The following SLC25A1 variants were observed in gnomAD, a reference collection of about 807,000 sequenced individuals.
SLC25A1 encodes tricarboxylate transport protein, mitochondrial.
Under a neutral mutation model 38.1 loss-of-function variants are expected in SLC25A1, and 26 were observed. The ratio of observed to expected loss-of-function variants is 0.68; its 90% CI spans 0.50 to 0.95. SLC25A1 has a LOEUF of 0.95. Ranked by LOEUF, SLC25A1 falls within the 40% of genes least tolerant of loss-of-function variation. The pLI, the probability that SLC25A1 is intolerant of heterozygous loss-of-function variation, is 0.00. For synonymous variants in SLC25A1, 211 were observed against 183.2 expected, an observed-to-expected ratio of 1.15 and a Z score of -1.23; for missense variants, 378 against 426.6, an observed-to-expected ratio of 0.89 and a Z score of 1.00.
chr22:19,177,126 C>A lies in SLC25A1; in HGVS notation c.520G>T (p.Glu174Ter), dbSNP rs139862803. 1.5e-5 allele frequency: 24 copies of A among 1,613,920 alleles called. No individual in the cohort carries two copies. The highest frequency in any genetic ancestry group is 1.9e-5 in the Non-Finnish European group (23 of 1,179,834). Residue 174 changes from glutamate to a stop codon, truncating the protein, a stop_gained, in exon 5 of 9, where the codon GAA (glutamate) becomes TAA (stop). Transcript: ENST00000215882. LOFTEE classifies it high-confidence loss of function. ...GGAAGGTCGAGTGGCTCACCTTGTT[C>A]CCGCACAATCTCCCTAACCCCGTGG... is the stretch of plus-strand genomic sequence containing the variant. ...FFHGVREIVR[E>*]QGLKGTYQGL...
Position 19,177,206 on chromosome 22 carries a change from T to G in SLC25A1, c.442-2A>C. ...GGTCTGGTCGTGGATGAACTTCACC[T>G]GAGAGAGAGAAGCAAAGGCGCAGGT... On this transcript the variant is annotated splice_acceptor_variant, in intron 4 of 8. Transcript: ENST00000215882. LOFTEE classifies it high-confidence loss of function. 1 of 1,613,398 alleles carries G rather than the reference T, an allele frequency of 6.2e-7. No homozygotes were observed. The highest frequency in any genetic ancestry group is 8.5e-7 in the Non-Finnish European group (1 of 1,179,468).
rs1257895809 is a variant in SLC25A1, at chr22:19,176,839, G to A, written c.631+7C>T. 5.6e-6 allele frequency: 9 copies of A among 1,613,380 alleles called. No individual in the cohort carries two copies. The South Asian group carries it at 6.6e-5, about 12-fold the overall frequency. On this transcript the variant is annotated splice_region_variant and intron_variant, in intron 6 of 8. Transcript: ENST00000215882. ...TGCAGAGATGGGGCCCTGTGATGCAGACACACCTCGGTACCAGTTGCGCAG... is the reference window on the plus strand; with the variant it reads ...TGCAGAGATGGGGCCCTGTGATGCAAACACACCTCGGTACCAGTTGCGCAG...
chr22:19,177,355 G>C lies in SLC25A1; in HGVS notation c.442-151C>G, dbSNP rs1354499530. 7.8e-6 allele frequency: 5 copies of C among 643,876 alleles called. No individual in the cohort carries two copies. In the East Asian group the frequency reaches 1.3e-4, roughly 16 times the overall value. 39.9% of individuals were successfully genotyped at this position (643,876 alleles called of 1,614,324 possible). On this transcript the variant is annotated intron_variant, in intron 4 of 8. Transcript: ENST00000215882. ...CAAGGCCGCCCTGGGCTGCCCACAC[G>C]GACCATGCCCCGGGACACAGGGCAG...
rs781936654 is a variant in SLC25A1, at chr22:19,178,273, C to T, written c.95-33G>A. Reference sequence around the variant, plus strand: ...GACCGGGAACCCGCTCCTGAGACTCCCGCCCGGCCGCTGGCGCTCGGGCCC... The same window carrying T: ...GACCGGGAACCCGCTCCTGAGACTCTCGCCCGGCCGCTGGCGCTCGGGCCC... On this transcript the variant is annotated intron_variant, in intron 1 of 8. Transcript: ENST00000215882. The surrounding 1 kb of genome is among the most constrained non-coding windows in gnomAD (Gnocchi z 4.9). The T allele has an allele frequency of 3.9e-6, 6 of 1,540,894 alleles. No homozygotes were observed. The South Asian group carries it at 7.2e-5, about 19-fold the overall frequency.
chr22:19,178,606 G>A lies in SLC25A1; in HGVS notation c.68C>T (p.Thr23Met), dbSNP rs1407673214. 3.3e-6 allele frequency: 4 copies of A among 1,208,442 alleles called. No homozygotes were observed. The highest frequency in any genetic ancestry group is 3.4e-5 in the East Asian group (1 of 29,586). 74.9% of individuals were successfully genotyped at this position (1,208,442 alleles called of 1,614,324 possible). The change falls in exon 1 of 9, where the codon ACG becomes ATG. Residue 23 changes from threonine (T) to methionine (M), a missense_variant. Thr to Met is a moderately conservative substitution (Grantham distance 81). Transcript: ENST00000215882. This position sits in a 1 kb window ranked among gnomAD's most constrained non-coding sequence, Gnocchi z 4.9. ...AAPASGKAKL[T>M]HPGKAILAGG... is the part of the protein sequence containing the mutation. The stretch of plus-strand genomic sequence containing the variant: ...TGCCAGGATCGCCTTCCCCGGGTGC[G>A]TCAGCTTGGCCTTCCCGGACGCGGG...
chr22:19,176,527 A>G, intron 7 of SLC25A1, 33 bp from the exon 8 acceptor site: 1 of 1,612,718 alleles, frequency 6.2e-7, no homozygotes, highest in Non-Finnish European at 8.5e-7. Flanking sequence ...GGGGCTCAGC[A>G]GCTAGCTCTG....
At position 19,175,973 on chromosome 22, in the gene SLC25A1, G is replaced by T. The variant is rs1296943327; in HGVS notation, c.*157C>A. ...GGTGTCACACACAGACCACAGGGGG[G>T]ACACATGGATTTGACAGCCACAATG... On this transcript the variant is annotated 3_prime_UTR_variant, in exon 9 of 9. Coordinates refer to ENST00000215882, the MANE Select transcript of SLC25A1 (RefSeq NM_005984.5). 3 of 559,422 alleles carry T rather than the reference G, an allele frequency of 5.4e-6. No individual in the cohort carries two copies. Among genetic ancestry groups the T allele is most frequent in the Non-Finnish European group, 9.6e-6 (3 of 312,422 alleles). The allele number at this position is 559,422 out of a possible 1,614,324, so 34.7% of individuals were successfully genotyped here. A position where few individuals can be genotyped will look rare whatever the true frequency, so the allele number is the denominator to read the frequency against.
Position 19,177,154 on chromosome 22 carries a change from G to A in SLC25A1, c.492C>T (p.Phe164=). Residue 164 remains phenylalanine (F), a synonymous_variant, in exon 5 of 9, where the codon TTC becomes TTT. Transcript: ENST00000215882. The part of the protein sequence containing the change: ...QTSPNPKYRG[F]FHGVREIVRE... ...GCACAATCTCCCTAACCCCGTGGAA[G>A]AATCCTCTGTACTTGGGGTTTGGGG... 4 of 1,614,104 alleles carry A rather than the reference G, an allele frequency of 2.5e-6. No homozygotes were observed. Among genetic ancestry groups the A allele is most frequent in the South Asian group, 1.1e-5 (1 of 91,090 alleles).
At chr22:19,176,396 A>G in intron 8 of SLC25A1, 25 bp downstream of exon 8, 1 of 1,609,580 alleles carries the variant, frequency 6.2e-7, no homozygotes, top group African/African-American at 1.3e-5. Context: ...GGTGGGGACA[A>G]TAGCCCTGCC....
chr22:19,178,354 A>G lies in SLC25A1; in HGVS notation c.95-114T>C, dbSNP rs1400020063. The G allele has an allele frequency of 1.3e-6, 2 of 1,489,238 alleles. No individual in the cohort carries two copies. The highest frequency in any genetic ancestry group is 1.8e-6 in the Non-Finnish European group (2 of 1,121,850). 92.3% of individuals were successfully genotyped at this position (1,489,238 alleles called of 1,614,324 possible). ...CCGCCGCGCCAGTGCCGCGGGGAACATAGGCTGGGGCCCCACGCCCCCATG... is the reference window on the plus strand; with the variant it reads ...CCGCCGCGCCAGTGCCGCGGGGAACGTAGGCTGGGGCCCCACGCCCCCATG... On this transcript the variant is annotated intron_variant, in intron 1 of 8. Coordinates refer to ENST00000215882, the MANE Select transcript of SLC25A1 (RefSeq NM_005984.5). The surrounding 1 kb of genome is among the most constrained non-coding windows in gnomAD (Gnocchi z 4.9).
chr22:19,176,431 C>T lies in SLC25A1; in HGVS notation c.811G>A (p.Gly271Arg), dbSNP rs1555922291. Reference sequence around the variant, plus strand: ...CCCTCCCCCACTCACGCCTTGAGCCCCTCCTTCTTCAGGATCTGCAAGCCG... The same window carrying T: ...CCCTCCCCCACTCACGCCTTGAGCCTCTCCTTCTTCAGGATCTGCAAGCCG... ...DCGLQILKKEGLKAFYKGTVP... is the reference protein window; with the variant it reads ...DCGLQILKKERLKAFYKGTVP... Residue 271 changes from glycine to arginine, a missense_variant, in exon 8 of 9, where the codon GGG (glycine) becomes AGG (arginine). Gly to Arg is a moderately radical substitution (Grantham distance 125, BLOSUM62 -2). Coordinates refer to ENST00000215882, the MANE Select transcript of SLC25A1 (RefSeq NM_005984.5). 1.9e-6 allele frequency: 3 copies of T among 1,613,686 alleles called. No individual in the cohort carries two copies. Among genetic ancestry groups the T allele is most frequent in the Non-Finnish European group, 2.5e-6 (3 of 1,179,982 alleles).
In SLC25A1 at chr22:19,177,946, C is replaced by T. The variant is rs1202724386; in HGVS notation, c.298G>A (p.Val100Ile). 1.9e-6 allele frequency: 3 copies of T among 1,598,742 alleles called. No homozygotes were observed. Among genetic ancestry groups the T allele is most frequent in the Non-Finnish European group, 2.6e-6 (3 of 1,174,772 alleles). The change falls in exon 3 of 9, where the codon GTC becomes ATC. Residue 100 changes from valine (V) to isoleucine (I), a missense_variant. By Grantham distance (29) the Val-to-Ile change is conservative. Coordinates refer to ENST00000215882, the MANE Select transcript of SLC25A1 (RefSeq NM_005984.5). Reference sequence around the variant, plus strand: ...CAGCCACCGGCCGGGCCTCACCTGACGGCCGCCTTGGGGATGGAACCGTAG... The same window carrying T: ...CAGCCACCGGCCGGGCCTCACCTGATGGCCGCCTTGGGGATGGAACCGTAG... ...LLYGSIPKAA[V>I]RFGMFEFLSN...
At chr22:19,177,898 G>A in intron 3 of SLC25A1, 33 bp from the exon 4 acceptor site, 1 of 1,582,038 alleles carries the variant, frequency 6.3e-7, no homozygotes, top group Non-Finnish European at 8.6e-7. Flanking sequence ...AGGGGCTGCC[G>A]CGGCCGAGCC....
intron 4 of SLC25A1, 48 bp from the exon 5 acceptor site, chr22:19,177,252 G>A: frequency 6.5e-7 from 1 of 1,527,522 alleles, no homozygotes; most frequent in African/African-American, 1.4e-5. Flanking sequence ...CACCTGGGTG[G>A]GTCCTGGCTA....
chr22:19,176,727 T>C (rs370811003), intron 6 of SLC25A1, 34 bp from the exon 7 acceptor site: 10 of 1,600,038 alleles, frequency 6.2e-6, no homozygotes, highest in African/African-American at 1.3e-5. Context: ...GGTCAGAGGG[T>C]GCCGGGAGGG....
chr22:19,177,009 G>A (rs1487959622), intron 5 of SLC25A1, 59 bp from the exon 6 acceptor site: 12 of 1,594,086 alleles, frequency 7.5e-6, no homozygotes, highest in African/African-American at 1.3e-5. Flanking sequence ...TTGGGAATTG[G>A]TGTGTGTGGG....
At chr22:19,176,997 G>A (rs782529007) in intron 5 of SLC25A1, 47 bp from the exon 6 acceptor site, 24 of 1,604,660 alleles carry the variant, frequency 1.5e-5, no homozygotes, top group South Asian at 2.2e-5. Context: ...CTCAGGCCCC[G>A]GTTGGGAATT....
rs1476409828 is a variant in SLC25A1 at position 19,178,372 on chromosome 22, C to T, written c.95-132G>A. On this transcript the variant is annotated intron_variant, in intron 1 of 8. Coordinates refer to ENST00000215882, the MANE Select transcript of SLC25A1 (RefSeq NM_005984.5). This position sits in a 1 kb window ranked among gnomAD's most constrained non-coding sequence, Gnocchi z 4.9. ...GGGGAACATAGGCTGGGGCCCCACG[C>T]CCCCATGCCCTCACCCCGTTGTCCC... The T allele has an allele frequency of 1.4e-6, 2 of 1,447,008 alleles. No homozygotes were observed. The highest frequency in any genetic ancestry group is 2.8e-5 in the Admixed American group (1 of 35,724). 89.6% of individuals were successfully genotyped at this position (1,447,008 alleles called of 1,614,324 possible).
Position 19,176,709 on chromosome 22 carries a change from G to A in SLC25A1, c.632-16C>T. 1 of 1,609,110 alleles carries A rather than the reference G, an allele frequency of 6.2e-7. No homozygotes were observed. The highest frequency in any genetic ancestry group is 8.5e-7 in the Non-Finnish European group (1 of 1,175,650). ...GGGTTGTCCCCTGGATATAGGAGGG[G>A]TGAGGTGGGTCAGAGGGTGCCGGGA... On this transcript the variant is annotated splice_polypyrimidine_tract_variant and intron_variant, in intron 6 of 8. Coordinates refer to ENST00000215882, the MANE Select transcript of SLC25A1 (RefSeq NM_005984.5).
Sources: gnomAD v4.1 joint callset for allele counts on GRCh38, gnomAD v4.1.1 for gene constraint, Gnocchi (gnomAD v3.1) non-coding constraint, MANE v1.5 for transcripts, NCBI Gene and HGNC (gene_info 2026-07-23, HGNC 2026-07-21) for gene names.